SAE1: variants seen among roughly 807,000 people sequenced by gnomAD.
SAE1 encodes SUMO1 activating enzyme subunit 1.
Under a neutral mutation model 40.6 loss-of-function variants are expected in SAE1, and 11 were observed. The observed-to-expected ratio is 0.27, with a 90% confidence interval of 0.17 to 0.45. The LOEUF is 0.45. Among genes scored for constraint, SAE1 ranks in the 20% least tolerant of loss-of-function variants. The pLI is 1.00. For synonymous variants in SAE1, 155 were observed against 154.3 expected, an observed-to-expected ratio of 1.00 and a Z score of -0.03; for missense variants, 373 against 427.3, an observed-to-expected ratio of 0.87 and a Z score of 1.12.
intron 6 of SAE1, 32 bp from the exon 7 acceptor site, chr19:47,197,200 CT>C: frequency 6.4e-7 from 1 of 1,554,576 alleles, no homozygotes; most frequent in Non-Finnish European, 8.7e-7. Flanking sequence ...AAAAAAGTGG[CT>C]TTATAACCTG....
At position 47,209,186 on chromosome 19, in the gene SAE1, A is replaced by G; in HGVS notation, c.976A>G (p.Asn326Asp). 6.2e-7 allele frequency: 1 copy of G among 1,613,872 alleles called. No homozygotes were observed. Among genetic ancestry groups the G allele is most frequent in the African/African-American group, 1.3e-5 (1 of 74,928 alleles). Residue 326 changes from asparagine (N) to aspartate (D), a missense_variant, in exon 9 of 9, where the codon AAC becomes GAC. Asn to Asp is a conservative substitution (Grantham distance 23). Around this residue, in one of 3 missense-constraint regions of SAE1, gnomAD observed 351 missense variants for 390.6 expected, o/e 0.90. Transcript: ENST00000270225. ...CCTGTCTCAGCGGGACCCTCCTCAC[A>G]ACAACTTCTTCTTCTTCGATGGCAT... ...KALSQRDPPH[N>D]NFFFFDGMKG...
chr19:47,182,507 A>ATGTGTGTG (rs2058515539), intron 6 of SAE1, among the ~76,000 whole-genome samples: 1 of 137,590 alleles, frequency 7.3e-6, no homozygotes, highest in Admixed American at 7.8e-5. Flanking sequence ...GCGCGCACGC[A>ATGTGTGTG]CGCGCGCGCG....
At chr19:47,170,052 GA>G in intron 6 of SAE1, 129 bp downstream of exon 6, 1 of 682,170 alleles carries the variant, frequency 1.5e-6, no homozygotes, top group Non-Finnish European at 2.6e-6. Flanking sequence ...AGTTCTCAGT[GA>G]TCACTTGAGA....
At chr19:47,176,589 C>G (rs887980629) in intron 6 of SAE1, among the ~76,000 whole-genome samples, 1 of 152,200 alleles carries the variant, frequency 6.6e-6, no homozygotes, top group Admixed American at 6.6e-5. Flanking sequence ...TGCATGCCTA[C>G]CCCTGTGGCA....
chr19:47,137,194 G>C (rs918731928), intron 1 of SAE1, among the ~76,000 whole-genome samples: 21 of 152,034 alleles, frequency 1.4e-4, no homozygotes, highest in Non-Finnish European at 2.9e-4. Context: ...TTCGAGACTA[G>C]CCTGGCCAAC....
chr19:47,134,415 A>T (rs1267503957), intron 1 of SAE1, among the ~76,000 whole-genome samples: 1 of 150,948 alleles, frequency 6.6e-6, no homozygotes, highest in Non-Finnish European at 1.5e-5. Context: ...GGGTGGGGGG[A>T]TGTCATCATG....
chr19:47,147,199 G>GTTTTTTTTTT (rs397859917), intron 2 of SAE1, among the ~76,000 whole-genome samples: 1 of 60,934 alleles, frequency 1.6e-5, no homozygotes, highest in Non-Finnish European at 3.0e-5. Context: ...ATGTGTATGG[G>GTTTTTTTTTT]TTTTTTTTTT....
intron 6 of SAE1, among the ~76,000 whole-genome samples, chr19:47,196,333 C>CTTTTTTTTTTTTTTTTTTT (rs61498882): frequency 3.6e-5 from 1 of 27,888 alleles, no homozygotes; most frequent in Non-Finnish European, 5.5e-5. Flanking sequence ...CCGCGCCTGG[C>CTTTTTTTTTTTTTTTTTTT]TTTTTTTTTT....
At chr19:47,166,648 A>G (rs2058394351) in intron 5 of SAE1, among the ~76,000 whole-genome samples, 1 of 152,114 alleles carries the variant, frequency 6.6e-6, no homozygotes, top group South Asian at 2.1e-4. Flanking sequence ...CTCCGAATTG[A>G]GCTCTTGGTA....
chr19:47,183,298 T>G lies in SAE1; in HGVS notation c.733+13375T>G, dbSNP rs1434087869. Among the ~76,000 whole-genome samples, 4 of 151,848 alleles carry G rather than the reference T, an allele frequency of 2.6e-5. No homozygotes were observed. In the East Asian group the frequency reaches 7.7e-4, roughly 29 times the overall value. On this transcript the variant is annotated intron_variant, in intron 6 of 8. Transcript: ENST00000270225. ...GATCAGGTCTTGTCCTGTTTTCACA[T>G]GAGGAAATTGAATCTTGGAAGGGCT...
chr19:47,188,599 T>C (rs1421945322), intron 6 of SAE1, among the ~76,000 whole-genome samples: 1 of 152,202 alleles, frequency 6.6e-6, no homozygotes, highest in African/African-American at 2.4e-5. Context: ...GTGACAGACC[T>C]GGAAGATACT....
intron 5 of SAE1, among the ~76,000 whole-genome samples, chr19:47,165,067 G>A (rs1233973078): frequency 7.0e-6 from 1 of 143,620 alleles, no homozygotes; most frequent in Non-Finnish European, 1.5e-5. Flanking sequence ...TTACAGGCAT[G>A]AGCCAAGTCT....
At chr19:47,197,649 T>G (rs181163706) in intron 7 of SAE1, among the ~76,000 whole-genome samples, 1 of 152,332 alleles carries the variant, frequency 6.6e-6, no homozygotes, top group East Asian at 1.9e-4. Context: ...CTCTACCTTT[T>G]TTCACTTTAT....
intron 1 of SAE1, among the ~76,000 whole-genome samples, chr19:47,142,257 G>A (rs1026693505): frequency 7.9e-5 from 12 of 151,918 alleles, no homozygotes; most frequent in Non-Finnish European, 1.5e-4. Flanking sequence ...GACAGTAGGC[G>A]CCTGTAATCC....
At chr19:47,152,687 G>A (rs954882789) in intron 3 of SAE1, among the ~76,000 whole-genome samples, 8 of 152,122 alleles carry the variant, frequency 5.3e-5, no homozygotes, top group East Asian at 1.9e-4. Flanking sequence ...GCTGCAGAAC[G>A]TGACGGTCTC....
At chr19:47,177,665 C>T (rs2123269868) in intron 6 of SAE1, among the ~76,000 whole-genome samples, 1 of 152,266 alleles carries the variant, frequency 6.6e-6, no homozygotes, top group East Asian at 1.9e-4. Flanking sequence ...CCCTGCCTGG[C>T]TCGTTGTTCT....
chr19:47,185,182 G>C (rs2058536714), intron 6 of SAE1, among the ~76,000 whole-genome samples: 1 of 152,040 alleles, frequency 6.6e-6, no homozygotes, highest in Non-Finnish European at 1.5e-5. Context: ...TAAAATCTCT[G>C]TTTCAACATA....
intron 5 of SAE1, among the ~76,000 whole-genome samples, chr19:47,168,212 CAAAA>C: frequency 6.6e-6 from 1 of 151,896 alleles, no homozygotes; most frequent in Non-Finnish European, 1.5e-5. Flanking sequence ...ATGTTTAAAA[CAAAA>C]AACTGTTTTT....
At chr19:47,164,755 TCTC>T (rs1441997087) in intron 5 of SAE1, among the ~76,000 whole-genome samples, 3 of 149,680 alleles carry the variant, frequency 2.0e-5, no homozygotes, top group Non-Finnish European at 4.4e-5. Context: ...TTCAAGCGAT[TCTC>T]CTGCCTCAGC....
Sources: allele counts gnomAD v4.1 joint callset (sites outside exome capture counted in the v4.1 genomes callset), GRCh38; gene constraint gnomAD v4.1.1; regional missense constraint gnomAD v4.1.1; transcripts MANE v1.5; gene names NCBI Gene and HGNC (gene_info 2026-07-23, HGNC 2026-07-21).